TMEFF2: variants seen among roughly 807,000 people sequenced by gnomAD.
The protein encoded by TMEFF2 is tomoregulin-2.
Under a neutral mutation model 53.8 loss-of-function variants are expected in TMEFF2, and 28 were observed. That is an observed-to-expected ratio of 0.52 (90% CI 0.39 to 0.71). The LOEUF is 0.71. TMEFF2 is among the 30% of genes least tolerant of loss of function. TMEFF2 has a pLI of 0.00. For missense variants in TMEFF2, 353 were observed against 455.2 expected (o/e 0.78, Z 2.04); for synonymous variants, 162 against 166.3 (o/e 0.97, Z 0.20).
chr2:192,089,378 T>G (rs1005255658), intron 4 of TMEFF2, among the ~76,000 whole-genome samples: 1 of 152,092 alleles, frequency 6.6e-6, no homozygotes, highest in African/African-American at 2.4e-5. Context: ...TGACTGAATA[T>G]TGCTCTCTAG....
At chr2:192,055,913 G>T (rs1157601567) in intron 5 of TMEFF2, among the ~76,000 whole-genome samples, 1 of 152,064 alleles carries the variant, frequency 6.6e-6, no homozygotes, top group Non-Finnish European at 1.5e-5. Flanking sequence ...TTGGCTAGAA[G>T]TGTTTGACAG....
In TMEFF2 at chr2:191,977,229, G is replaced by A. The variant is rs1306647576; in HGVS notation, c.746-20851C>T. Among the ~76,000 whole-genome samples, 3 of 152,220 alleles carry A rather than the reference G, an allele frequency of 2.0e-5. 1 individual carries two copies. Among genetic ancestry groups the A allele is most frequent in the Admixed American group, 1.3e-4 (2 of 15,284 alleles). On this transcript the variant is annotated intron_variant, in intron 7 of 9. Coordinates refer to ENST00000272771, the MANE Select transcript of TMEFF2 (RefSeq NM_016192.4). ...AGACGGGAGAGAGAGCATGGCTTGT[G>A]GGGGAACTAGTTGTGCCTGGAGCAG...
At chr2:192,087,539 G>A (rs1381200195) in intron 4 of TMEFF2, among the ~76,000 whole-genome samples, 1 of 152,066 alleles carries the variant, frequency 6.6e-6, no homozygotes, top group Non-Finnish European at 1.5e-5. Context: ...ATCTTTGTTT[G>A]TTTAAAAAGC....
chr2:192,105,418 C>T (rs923640868), intron 4 of TMEFF2, among the ~76,000 whole-genome samples: 1 of 151,858 alleles, frequency 6.6e-6, no homozygotes, highest in Non-Finnish European at 1.5e-5. Flanking sequence ...TTTGTGAAGA[C>T]ATTCTAGTTG....
intron 5 of TMEFF2, among the ~76,000 whole-genome samples, chr2:192,016,905 G>T (rs902086944): frequency 6.6e-6 from 1 of 152,206 alleles, no homozygotes; most frequent in Middle Eastern, 3.4e-3. Flanking sequence ...ACAAAGATGG[G>T]CAAGACAATA....
chr2:191,965,156 G>T (rs1026066375), intron 7 of TMEFF2, among the ~76,000 whole-genome samples: 1 of 152,088 alleles, frequency 6.6e-6, no homozygotes, highest in African/African-American at 2.4e-5. Flanking sequence ...GTGATGAGGT[G>T]ATCACACTTT....
chr2:192,135,834 C>T (rs971528529), intron 4 of TMEFF2, among the ~76,000 whole-genome samples: 9 of 151,718 alleles, frequency 5.9e-5, no homozygotes, highest in Non-Finnish European at 1.0e-4. Context: ...TGTTCCTGCC[C>T]CACCTTAACT....
chr2:192,004,153 C>A (rs1686440748), intron 5 of TMEFF2, among the ~76,000 whole-genome samples: 1 of 152,102 alleles, frequency 6.6e-6, no homozygotes, highest in Non-Finnish European at 1.5e-5. Context: ...TGAAAATATT[C>A]ATTGTGCTAT....
At chr2:191,954,810 C>T (rs1692014220) in intron 8 of TMEFF2, among the ~76,000 whole-genome samples, 1 of 152,136 alleles carries the variant, frequency 6.6e-6, no homozygotes, top group Non-Finnish European at 1.5e-5. Context: ...TCATGGAAAG[C>T]TCAGGTAGAC....
intron 7 of TMEFF2, among the ~76,000 whole-genome samples, chr2:191,989,551 C>T (rs905479061): frequency 6.6e-6 from 1 of 152,056 alleles, no homozygotes; most frequent in Non-Finnish European, 1.5e-5. Flanking sequence ...CAATTCAACT[C>T]TAGGAAGAGA....
At chr2:192,188,508 G>A (rs540915782) in intron 2 of TMEFF2, among the ~76,000 whole-genome samples, 10 of 152,306 alleles carry the variant, frequency 6.6e-5, no homozygotes, top group Non-Finnish European at 2.9e-5. Flanking sequence ...GAGGTGAGCT[G>A]TTTCGATTAA....
chr2:192,059,283 TGTCCTCCCCAAAAAGAA>T (rs1351113990), intron 4 of TMEFF2, among the ~76,000 whole-genome samples: 9 of 148,430 alleles, frequency 6.1e-5, no homozygotes, highest in Non-Finnish European at 1.2e-4. Context: ...AAAAAAAAGG[TGTCCTCCCCAAAAAGAA>T]GAAGGAATTT....
At chr2:192,018,615 A>G (rs1686792894) in intron 5 of TMEFF2, among the ~76,000 whole-genome samples, 1 of 152,106 alleles carries the variant, frequency 6.6e-6, no homozygotes, top group Non-Finnish European at 1.5e-5. Flanking sequence ...ATAGTGCTAG[A>G]CTAAATCTCC....
At chr2:192,037,973 CTCTGAACCT>C (rs1559097120) in intron 5 of TMEFF2, 1 of 152,198 alleles carries the variant, frequency 6.6e-6, no homozygotes, top group Non-Finnish European at 1.5e-5. Context: ...TTACCCACCT[CTCTGAACCT>C]TGCTTTCCTT....
intron 4 of TMEFF2, among the ~76,000 whole-genome samples, chr2:192,157,102 G>A (rs1451909055): frequency 6.6e-6 from 1 of 151,956 alleles, no homozygotes; most frequent in African/African-American, 2.4e-5. Context: ...TGTGATTTAG[G>A]GAAATCAGTG....
At chr2:192,107,755 G>T (rs1689183028) in intron 4 of TMEFF2, among the ~76,000 whole-genome samples, 1 of 151,742 alleles carries the variant, frequency 6.6e-6, no homozygotes, top group Admixed American at 6.6e-5. Context: ...GTATGGCAAT[G>T]TGAGTATATA....
At chr2:192,120,700 CTGTT>C (rs1689529576) in intron 4 of TMEFF2, among the ~76,000 whole-genome samples, 1 of 151,926 alleles carries the variant, frequency 6.6e-6, no homozygotes, top group South Asian at 2.1e-4. Flanking sequence ...ATGTAGAGAT[CTGTT>C]ATAGTATCCA....
chr2:191,950,489 G>A, intron 9 of TMEFF2, 82 bp from the exon 10 acceptor site: 1 of 1,542,078 alleles, frequency 6.5e-7, no homozygotes, highest in Non-Finnish European at 9.0e-7. Flanking sequence ...TAAAGATGTG[G>A]ATTAAGCAAA....
At chr2:191,999,361 T>C (rs1686302012) in intron 5 of TMEFF2, among the ~76,000 whole-genome samples, 153 bp from the exon 6 acceptor site, 1 of 151,828 alleles carries the variant, frequency 6.6e-6, no homozygotes. Context: ...CTTTTCTAAC[T>C]GAGAAGAAAA....
Sources: allele counts gnomAD v4.1 joint callset (sites outside exome capture counted in the v4.1 genomes callset), GRCh38; gene constraint gnomAD v4.1.1; transcripts MANE v1.5; gene names NCBI Gene and HGNC (gene_info 2026-07-23, HGNC 2026-07-21).